ATE1: variants seen among roughly 807,000 people sequenced by gnomAD.
ATE1 encodes the protein arginyl-tRNA--protein transferase 1.
A neutral mutation model predicts 70.5 loss-of-function variants in ATE1; 36 were observed. The observed-to-expected ratio is 0.51, with a 90% confidence interval of 0.39 to 0.67. The LOEUF (loss-of-function observed/expected upper bound fraction) is 0.67, where lower values mean the gene tolerates loss of function less well. Ranked by LOEUF, ATE1 falls within the 30% of genes least tolerant of loss-of-function variation. The pLI, the probability that ATE1 is intolerant of heterozygous loss-of-function variation, is 0.00. For synonymous variants in ATE1, 232 were observed against 219.3 expected (o/e 1.06, Z -0.51); for missense variants, 593 against 629.5 (o/e 0.94, Z 0.62).
chr10:121,754,555 C>T (rs1944717241), intron 11 of ATE1, among the ~76,000 whole-genome samples: 1 of 152,100 alleles, frequency 6.6e-6, no homozygotes, highest in Non-Finnish European at 1.5e-5. Context: ...AAGAGGACTG[C>T]TTTTCCTTAT....
Position 121,836,805 on chromosome 10 carries a change from A to G in ATE1, c.1170T>C (p.Phe390=), listed in dbSNP as rs758153468. Residue 390 remains phenylalanine, a synonymous_variant, in exon 10 of 12, where the codon TTT becomes TTC. Transcript: ENST00000224652. ...GVYSALREIA[F]TRQLHEKTSQ... ...AAGTTTTCTCATGAAGCTGCCTAGT[A>G]AAAGCAATTTCTCTGCGAAAAGAAA... 1 of 1,599,792 alleles carries G rather than the reference A, an allele frequency of 6.3e-7. No homozygotes were observed. Among genetic ancestry groups the G allele is most frequent in the Non-Finnish European group, 8.5e-7 (1 of 1,174,304 alleles).
intron 8 of ATE1, among the ~76,000 whole-genome samples, chr10:121,863,437 G>A (rs1220358158): frequency 6.6e-6 from 1 of 151,694 alleles, no homozygotes; most frequent in Non-Finnish European, 1.5e-5. Flanking sequence ...ATTTTTAGTA[G>A]AGACAGGGTT....
chr10:121,774,268 A>G (rs1346666968), intron 11 of ATE1, among the ~76,000 whole-genome samples: 1 of 152,194 alleles, frequency 6.6e-6, no homozygotes, highest in Non-Finnish European at 1.5e-5. Context: ...ATTATTTTAA[A>G]TGATTATGCA....
chr10:121,830,388 T>G (rs1948191308), intron 10 of ATE1, among the ~76,000 whole-genome samples: 1 of 152,202 alleles, frequency 6.6e-6, no homozygotes, highest in South Asian at 2.1e-4. Flanking sequence ...CAGGCTCTCC[T>G]GCAGGTCTCT....
At chr10:121,862,252 G>A (rs775889028) in intron 8 of ATE1, among the ~76,000 whole-genome samples, 8 of 152,186 alleles carry the variant, frequency 5.3e-5, no homozygotes, top group East Asian at 3.9e-4. Flanking sequence ...TGCAAGCTCC[G>A]TACAGGACCC....
intron 7 of ATE1, chr10:121,898,899 T>C (rs928179878): frequency 1.2e-6 from 2 of 1,613,968 alleles, no homozygotes; most frequent in South Asian, 1.1e-5. Context: ...ATACTTGACA[T>C]ACAAAGAAAA....
intron 8 of ATE1, among the ~76,000 whole-genome samples, chr10:121,848,288 ATTCATTC>A (rs1948915248): frequency 1.2e-5 from 1 of 85,310 alleles, no homozygotes; most frequent in Non-Finnish European, 2.2e-5. Context: ...ATGTGCGTTC[ATTCATTC>A]ATTCATTCAT....
rs142076262 is a variant in ATE1, at chr10:121,863,643, T to C, written c.975+6363A>G. Among the ~76,000 whole-genome samples the C allele has an allele frequency of 1.4e-4, 21 of 152,298 alleles. No individual in the cohort carries two copies. The East Asian group carries it at 4.1e-3, about 29-fold the overall frequency. ...TTTATTTTTAGAGATGTGGTATTAC[T>C]CTGTTGCCCAGGCTGAACTGCAGTG... On this transcript the variant is annotated intron_variant, in intron 8 of 11. Coordinates refer to ENST00000224652, the MANE Select transcript of ATE1 (RefSeq NM_001001976.3).
In ATE1 at chr10:121,795,109, A is replaced by G. The variant is rs537419746; in HGVS notation, c.1258-4820T>C. Among the ~76,000 whole-genome samples, 116 of 152,240 alleles carry G rather than the reference A, an allele frequency of 7.6e-4. 1 individual carries two copies. The highest frequency in any genetic ancestry group is 2.7e-3 in the African/African-American group (111 of 41,560). The stretch of plus-strand genomic sequence containing the variant: ...CTAAAAATATAAAAGTTAGCCGGGC[A>G]TGGTGATACGTGCCTATAATCCCAG... On this transcript the variant is annotated intron_variant, in intron 10 of 11. Transcript: ENST00000224652.
At chr10:121,801,347 T>C (rs1229291990) in intron 10 of ATE1, among the ~76,000 whole-genome samples, 5 of 152,176 alleles carry the variant, frequency 3.3e-5, no homozygotes, top group Non-Finnish European at 7.4e-5. Flanking sequence ...ATCAAGATTC[T>C]AATTCAGTTT....
In ATE1 at chr10:121,807,039, C is replaced by T. The variant is rs554455412; in HGVS notation, c.1258-16750G>A. 4.1e-3 allele frequency among the ~76,000 whole-genome samples: 625 copies of T among 152,314 alleles called. 4 individuals are homozygous for T. The highest frequency in any genetic ancestry group is 0.012 in the African/African-American group (512 of 41,570). ...CTAATGTTGATCCTCTCCAAGAGCTCCCTGAAGACAGGGCCTATGTCTAAG... is the reference window on the plus strand; with the variant it reads ...CTAATGTTGATCCTCTCCAAGAGCTTCCTGAAGACAGGGCCTATGTCTAAG... On this transcript the variant is annotated intron_variant, in intron 10 of 11. Transcript: ENST00000224652.
chr10:121,862,204 T>C (rs1174180970), intron 8 of ATE1, among the ~76,000 whole-genome samples: 2 of 152,192 alleles, frequency 1.3e-5, no homozygotes, highest in Non-Finnish European at 2.9e-5. Context: ...GCTTAACGAC[T>C]CAACCTTCCG....
At chr10:121,898,981 G>C (rs1476168805) in intron 7 of ATE1, 1 of 1,611,616 alleles carries the variant, frequency 6.2e-7, no homozygotes, top group Non-Finnish European at 8.5e-7. Context: ...TTCAGAGCAA[G>C]GAAAATACAA....
chr10:121,802,453 C>T (rs774509704), intron 10 of ATE1, among the ~76,000 whole-genome samples: 4 of 151,918 alleles, frequency 2.6e-5, no homozygotes, highest in African/African-American at 9.7e-5. Context: ...GGATTACAGG[C>T]GCCCACCACC....
intron 11 of ATE1, among the ~76,000 whole-genome samples, chr10:121,779,466 T>C (rs1467887009): frequency 2.0e-5 from 3 of 152,196 alleles, no homozygotes; most frequent in African/African-American, 7.2e-5. Flanking sequence ...CAACCTACTG[T>C]TGCCACACCC....
chr10:121,895,433 C>T (rs1214061664), intron 7 of ATE1, among the ~76,000 whole-genome samples: 10 of 151,230 alleles, frequency 6.6e-5, no homozygotes, highest in Admixed American at 6.6e-4. Flanking sequence ...CATGGCGAAA[C>T]CCCATCTCTA....
At chr10:121,896,918 T>C (rs1950803887) in intron 7 of ATE1, among the ~76,000 whole-genome samples, 1 of 145,896 alleles carries the variant, frequency 6.9e-6, no homozygotes, top group South Asian at 2.1e-4. Flanking sequence ...GTATTAATAG[T>C]AGTTCCTCAA....
chr10:121,832,141 A>C (rs1169623584), intron 10 of ATE1, among the ~76,000 whole-genome samples: 1 of 152,206 alleles, frequency 6.6e-6, no homozygotes, highest in Non-Finnish European at 1.5e-5. Context: ...TAGCATAGAA[A>C]GGATACTCTT....
At chr10:121,814,576 T>C (rs1947460039) in intron 10 of ATE1, among the ~76,000 whole-genome samples, 1 of 152,304 alleles carries the variant, frequency 6.6e-6, no homozygotes, top group South Asian at 2.1e-4. Flanking sequence ...TTGGACAATA[T>C]GGCATCTGAA....
Sources: gnomAD v4.1 joint callset for allele counts (sites outside exome capture counted in the v4.1 genomes callset) on GRCh38, gnomAD v4.1.1 for gene constraint, MANE v1.5 for transcripts, NCBI Gene and HGNC (gene_info 2026-07-23, HGNC 2026-07-21) for gene names.